DAAM1: variants seen among roughly 807,000 people sequenced by gnomAD.
The protein encoded by DAAM1 is dishevelled associated activator of morphogenesis 1.
In DAAM1, 52 loss-of-function variants were observed where a neutral mutation model predicts 130.0. The ratio of observed to expected loss-of-function variants is 0.40; its 90% CI spans 0.32 to 0.50. The LOEUF (loss-of-function observed/expected upper bound fraction) is 0.50. DAAM1 is among the 20% of genes least tolerant of loss of function. DAAM1 has a pLI of 0.61. For synonymous variants in DAAM1, 452 were observed against 444.5 expected, an observed-to-expected ratio of 1.02 and a Z score of -0.21; for missense variants, 1,134 against 1,303.8, an observed-to-expected ratio of 0.87 and a Z score of 2.01.
chr14:59,287,199 A>T (rs903720096), intron 2 of DAAM1, among the ~76,000 whole-genome samples: 7 of 152,218 alleles, frequency 4.6e-5, no homozygotes, highest in Non-Finnish European at 8.8e-5. Flanking sequence ...ATCTCTATAG[A>T]TGCAGAAGAG....
At chr14:59,254,729 G>A (rs991084820) in intron 1 of DAAM1, among the ~76,000 whole-genome samples, 1 of 152,126 alleles carries the variant, frequency 6.6e-6, no homozygotes, top group Non-Finnish European at 1.5e-5. Flanking sequence ...TTCCTAACTC[G>A]AGAACCTTGT....
intron 1 of DAAM1, among the ~76,000 whole-genome samples, chr14:59,234,938 G>T (rs532589459): frequency 7.5e-4 from 114 of 152,040 alleles, no homozygotes; most frequent in African/African-American, 2.7e-3. Context: ...TATGTGATGG[G>T]TTGCATTTAT....
At chr14:59,201,368 A>G (rs1285972014) in intron 1 of DAAM1, among the ~76,000 whole-genome samples, 3 of 151,990 alleles carry the variant, frequency 2.0e-5, no homozygotes, top group African/African-American at 4.8e-5. Flanking sequence ...CATGCCTGTA[A>G]TCCCATTAAC....
intron 15 of DAAM1, chr14:59,338,239 C>A: frequency 1.3e-6 from 1 of 741,916 alleles, no homozygotes; most frequent in Non-Finnish European, 2.3e-6. Context: ...TTCATCAACT[C>A]TCATTGATGA....
chr14:59,323,219 C>T lies in DAAM1; in HGVS notation c.768C>T (p.Arg256=). The T allele has an allele frequency of 6.2e-7, 1 of 1,602,036 alleles. No individual in the cohort carries two copies. Among genetic ancestry groups the T allele is most frequent in the Non-Finnish European group, 8.5e-7 (1 of 1,172,558 alleles). The change falls in exon 6 of 25, where the codon CGC becomes CGT. Residue 256 remains arginine (R), a synonymous_variant. Coordinates refer to ENST00000360909, the MANE Select transcript of DAAM1 (RefSeq NM_001270520.2). ...HYQKYASERT[R]FQTLINDLDK... ...AGAAGTATGCCAGCGAAAGGACCCG[C>T]TTTCAGGTGGGTGTTCGCTCAGCCT... is the stretch of plus-strand genomic sequence containing the variant.
chr14:59,345,033 T>C lies in DAAM1; in HGVS notation c.2076-2506T>C, dbSNP rs112619933. On this transcript the variant is annotated intron_variant, in intron 16 of 24. Coordinates refer to ENST00000360909, the MANE Select transcript of DAAM1 (RefSeq NM_001270520.2). ...CAGTTGGTTTTCATTAGTGGCAGTT[T>C]CAGCCCTCCCTATTGTTACTGTTCC... 1.5e-4 allele frequency among the ~76,000 whole-genome samples: 23 copies of C among 152,288 alleles called. 1 individual carries two copies. The highest frequency in any genetic ancestry group is 4.3e-4 in the African/African-American group (18 of 41,564).
intron 3 of DAAM1, among the ~76,000 whole-genome samples, chr14:59,294,089 A>G (rs1883856623): frequency 6.6e-6 from 1 of 152,230 alleles, no homozygotes; most frequent in Non-Finnish European, 1.5e-5. Context: ...CATTACAGAC[A>G]TTCTCACACA....
intron 1 of DAAM1, among the ~76,000 whole-genome samples, chr14:59,244,933 C>G (rs992360296): frequency 1.3e-5 from 2 of 152,122 alleles, no homozygotes; most frequent in African/African-American, 4.8e-5. Flanking sequence ...TGTCACAGCT[C>G]TGCTTGCTGG....
At chr14:59,310,588 CT>C (rs776986149) in intron 3 of DAAM1, among the ~76,000 whole-genome samples, 6 of 152,154 alleles carry the variant, frequency 3.9e-5, no homozygotes, top group South Asian at 2.1e-4. Context: ...TGCCTTTCCC[CT>C]GTAATGAAAA....
chr14:59,198,806 A>C (rs1249085054), intron 1 of DAAM1, among the ~76,000 whole-genome samples: 1 of 152,184 alleles, frequency 6.6e-6, no homozygotes, highest in Non-Finnish European at 1.5e-5. Flanking sequence ...TTGCAATTGC[A>C]CAGAGAAAAA....
At chr14:59,346,138 TG>T (rs36023292) in intron 16 of DAAM1, among the ~76,000 whole-genome samples, 28,980 of 118,902 alleles carry the variant, frequency 0.24, 2,990 homozygotes, top group South Asian at 0.34. Flanking sequence ...CCCTTTTTTT[TG>T]GGGGGGGGGG....
intron 2 of DAAM1, among the ~76,000 whole-genome samples, chr14:59,277,064 T>A (rs1446700606): frequency 6.6e-6 from 1 of 152,232 alleles, no homozygotes; most frequent in Admixed American, 6.5e-5. Context: ...TTGAAATCTA[T>A]TGATTAGGTA....
At chr14:59,231,149 C>T (rs1468687340) in intron 1 of DAAM1, among the ~76,000 whole-genome samples, 1 of 152,158 alleles carries the variant, frequency 6.6e-6, no homozygotes, top group Non-Finnish European at 1.5e-5. Flanking sequence ...TTTCTTCAAA[C>T]ATATGGCACA....
At chr14:59,213,681 T>G (rs906342761) in intron 1 of DAAM1, among the ~76,000 whole-genome samples, 8 of 152,354 alleles carry the variant, frequency 5.3e-5, no homozygotes, top group Non-Finnish European at 8.8e-5. Context: ...TACGTATATG[T>G]AAATGCTTGT....
chr14:59,202,587 C>T (rs76787422), intron 1 of DAAM1, among the ~76,000 whole-genome samples: 13,305 of 152,184 alleles, frequency 0.087, 790 homozygotes, highest in Non-Finnish European at 0.13. Context: ...GAGAAACCCC[C>T]GGTTTTTTCC....
intron 2 of DAAM1, among the ~76,000 whole-genome samples, chr14:59,272,621 AC>A (rs1882766585): frequency 7.8e-6 from 1 of 128,270 alleles, no homozygotes; most frequent in Non-Finnish European, 1.7e-5. Context: ...ACACACACAC[AC>A]ACACACACAT....
At chr14:59,194,803 A>G (rs1305016910) in intron 1 of DAAM1, among the ~76,000 whole-genome samples, 43 of 152,268 alleles carry the variant, frequency 2.8e-4, no homozygotes, top group Admixed American at 2.8e-3. Context: ...AACAATTTCT[A>G]TTCTTTTAAA....
intron 17 of DAAM1, among the ~76,000 whole-genome samples, chr14:59,350,744 A>G (rs982015800): frequency 6.6e-6 from 1 of 152,010 alleles, no homozygotes; most frequent in African/African-American, 2.4e-5. Context: ...CTGTCTTCCC[A>G]TGGCCCTGTG....
intron 2 of DAAM1, among the ~76,000 whole-genome samples, chr14:59,285,860 T>C (rs1400841587): frequency 6.6e-6 from 1 of 152,072 alleles, no homozygotes; most frequent in Non-Finnish European, 1.5e-5. Context: ...GTTAAACAGA[T>C]CATTGAGGCA....
Sources: allele counts gnomAD v4.1 joint callset (sites outside exome capture counted in the v4.1 genomes callset), GRCh38; gene constraint gnomAD v4.1.1; transcripts MANE v1.5; gene names NCBI Gene and HGNC (gene_info 2026-07-23, HGNC 2026-07-21).